Variants in LEPR observed in about 807,000 individuals in gnomAD.
LEPR encodes leptin receptor.
A neutral mutation model predicts 114.7 loss-of-function variants in LEPR; 56 were observed. The ratio of observed to expected loss-of-function variants is 0.49; its 90% CI spans 0.39 to 0.61. The LOEUF (loss-of-function observed/expected upper bound fraction) is 0.61. Ranked by LOEUF, LEPR falls within the 20% of genes least tolerant of loss-of-function variation. LEPR has a pLI of 0.00. For synonymous variants in LEPR, 443 were observed against 461.4 expected (o/e 0.96, Z 0.51); for missense variants, 1,202 against 1,352.9 (o/e 0.89, Z 1.75).
intron 2 of LEPR, among the ~76,000 whole-genome samples, chr1:65,558,490 T>C (rs565779357): frequency 6.9e-6 from 1 of 145,480 alleles, no homozygotes; most frequent in African/African-American, 2.6e-5. Context: ...TCATGAGACA[T>C]GTTTCTTAAT....
At chr1:65,568,822 C>A (rs1473239070) in intron 3 of LEPR, among the ~76,000 whole-genome samples, 1 of 152,156 alleles carries the variant, frequency 6.6e-6, no homozygotes, top group African/African-American at 2.4e-5. Context: ...TTCTCTGCAT[C>A]CTCACCAACA....
chr1:65,485,812 A>G (rs1647457811), intron 2 of LEPR, among the ~76,000 whole-genome samples: 2 of 152,142 alleles, frequency 1.3e-5, no homozygotes, highest in Non-Finnish European at 2.9e-5. Context: ...ACATTTCTGC[A>G]ATGTTGTCTG....
intron 2 of LEPR, among the ~76,000 whole-genome samples, chr1:65,550,773 G>T (rs188832315): frequency 6.7e-4 from 102 of 152,302 alleles, no homozygotes; most frequent in African/African-American, 2.4e-3. Flanking sequence ...CGCTTCCTGA[G>T]TGAGGCAATG....
At chr1:65,538,284 T>C (rs1302887104) in intron 2 of LEPR, among the ~76,000 whole-genome samples, 1 of 152,088 alleles carries the variant, frequency 6.6e-6, no homozygotes, top group African/African-American at 2.4e-5. Context: ...TTTTTCTGGC[T>C]TCAGGATTAT....
chr1:65,546,933 T>C (rs2100692695), intron 2 of LEPR, among the ~76,000 whole-genome samples: 1 of 152,320 alleles, frequency 6.6e-6, no homozygotes, highest in Middle Eastern at 3.4e-3. Context: ...CAGTATGATA[T>C]TGGCTGTGGA....
At chr1:65,430,241 C>A in intron 2 of LEPR, 1 of 422,052 alleles carries the variant, frequency 2.4e-6, no homozygotes, top group Non-Finnish European at 4.2e-6. Context: ...TTCTTTATTT[C>A]TCTTACAACT....
At chr1:65,481,648 G>A (rs752695768) in intron 2 of LEPR, among the ~76,000 whole-genome samples, 3 of 151,720 alleles carry the variant, frequency 2.0e-5, no homozygotes, top group Non-Finnish European at 4.4e-5. Context: ...TTAAGACATA[G>A]GTACAAAAAT....
intron 2 of LEPR, among the ~76,000 whole-genome samples, chr1:65,525,343 G>T (rs76656279): frequency 6.8e-4 from 103 of 152,170 alleles, no homozygotes; most frequent in South Asian, 1.9e-3. Flanking sequence ...GGTCCGGGGT[G>T]GGGGGGTACT....
At chr1:65,429,896 G>A (rs753278546) in intron 2 of LEPR, 5 of 1,512,254 alleles carry the variant, frequency 3.3e-6, no homozygotes, top group African/African-American at 1.4e-5. Flanking sequence ...GATTTTCCAC[G>A]CCATCTCCCC....
At chr1:65,502,390 T>A (rs147479087) in intron 2 of LEPR, among the ~76,000 whole-genome samples, 239 of 152,054 alleles carry the variant, frequency 1.6e-3, no homozygotes, top group Non-Finnish European at 2.7e-3. Flanking sequence ...AGCCCAGAAC[T>A]GTAAAAAAAC....
chr1:65,533,546 G>A (rs747583719), intron 2 of LEPR, among the ~76,000 whole-genome samples: 5 of 152,020 alleles, frequency 3.3e-5, no homozygotes, highest in Non-Finnish European at 7.4e-5. Context: ...TTAAGTGAAT[G>A]TTCGATTAAA....
intron 19 of LEPR, among the ~76,000 whole-genome samples, chr1:65,631,006 G>T (rs1459303671): frequency 6.6e-6 from 1 of 151,838 alleles, no homozygotes; most frequent in East Asian, 1.9e-4. Context: ...CTAATATCTG[G>T]TAATCCTTTG....
intron 10 of LEPR, 29 bp downstream of exon 10, chr1:65,601,989 T>C (rs1387937225): frequency 6.4e-7 from 1 of 1,572,386 alleles, no homozygotes; most frequent in African/African-American, 1.4e-5. Flanking sequence ...GTTTTGTTTT[T>C]CTGTGGGCAC....
intron 5 of LEPR, among the ~76,000 whole-genome samples, chr1:65,584,528 T>C (rs1311915886): frequency 6.6e-6 from 1 of 152,126 alleles, no homozygotes; most frequent in Non-Finnish European, 1.5e-5. Flanking sequence ...GTAACTTTCT[T>C]CTCCAGCAGT....
rs930056169 is a variant in LEPR, at chr1:65,640,344, TAAAAG to T, written c.*3333_*3337del. 2.0e-5 allele frequency: 3 copies of T among 152,208 alleles called. No homozygotes were observed. The highest frequency in any genetic ancestry group is 7.2e-5 in the African/African-American group (3 of 41,442). 9.4% of individuals were successfully genotyped at this position (152,208 alleles called of 1,614,324 possible). A position where few individuals can be genotyped will look rare whatever the true frequency, so the allele number is the denominator to read the frequency against. On this transcript the variant is annotated 3_prime_UTR_variant, in exon 20 of 20. Transcript: ENST00000349533. ...CTTGCTAAATTATTTTCTGTGACCT[TAAAAG>T]AAATTTGTTTCACTTTTCATCTTTC...
At position 65,633,034 on chromosome 1, in the gene LEPR, C is replaced by A; in HGVS notation, c.2674-3157C>A. 2.4e-6 allele frequency: 2 copies of A among 830,332 alleles called. No homozygotes were observed. The highest frequency in any genetic ancestry group is 1.7e-5 in the South Asian group (1 of 59,770). The allele number at this position is 830,332 out of a possible 1,614,324, so 51.4% of individuals were successfully genotyped here. A position where few individuals can be genotyped will look rare whatever the true frequency, so the allele number is the denominator to read the frequency against. On this transcript the variant is annotated intron_variant, in intron 19 of 19. Coordinates refer to ENST00000349533, the MANE Select transcript of LEPR (RefSeq NM_002303.6). This position sits in a 1 kb window ranked among gnomAD's most constrained non-coding sequence, Gnocchi z 4.1. Reference sequence around the variant, plus strand: ...AAAAGGATGCATTATTGTAACCTAACACAAAAATTTATAGTCCAGAACCCA... The same window carrying A: ...AAAAGGATGCATTATTGTAACCTAAAACAAAAATTTATAGTCCAGAACCCA...
At chr1:65,489,270 C>T (rs1311378461) in intron 2 of LEPR, among the ~76,000 whole-genome samples, 3 of 152,184 alleles carry the variant, frequency 2.0e-5, no homozygotes, top group African/African-American at 7.2e-5. Flanking sequence ...ACATCCTCAC[C>T]AGCATTTGTT....
chr1:65,529,703 A>G (rs1424117838), intron 2 of LEPR, among the ~76,000 whole-genome samples: 2 of 152,140 alleles, frequency 1.3e-5, no homozygotes, highest in East Asian at 1.9e-4. Flanking sequence ...TTCACCAATG[A>G]TACTACCTTT....
At chr1:65,501,380 C>G (rs1557626840) in intron 2 of LEPR, among the ~76,000 whole-genome samples, 1 of 151,484 alleles carries the variant, frequency 6.6e-6, no homozygotes, top group Non-Finnish European at 1.5e-5. Context: ...TAATCTCTGC[C>G]TCCATTTTCA....
Sources: allele counts gnomAD v4.1 joint callset (sites outside exome capture counted in the v4.1 genomes callset), GRCh38; gene constraint gnomAD v4.1.1; non-coding constraint Gnocchi (gnomAD v3.1); transcripts MANE v1.5; gene names NCBI Gene and HGNC (gene_info 2026-07-23, HGNC 2026-07-21).